Variants in OTUD7A observed in about 807,000 individuals in gnomAD.
OTUD7A encodes the protein OTU deubiquitinase 7A, also known as OTU domain-containing protein 7A.
In OTUD7A, 12 loss-of-function variants were observed where a neutral mutation model predicts 65.7. That is an observed-to-expected ratio of 0.18 (90% CI 0.12 to 0.30). The LOEUF (loss-of-function observed/expected upper bound fraction) is 0.30. Among genes scored for constraint, OTUD7A ranks in the 10% least tolerant of loss-of-function variants. OTUD7A has a pLI of 1.00. For synonymous variants in OTUD7A, 641 were observed against 586.3 expected (o/e 1.09, Z -1.35); for missense variants, 1,148 against 1,304.8 (o/e 0.88, Z 1.85).
At chr15:31,630,536 T>C (rs1891111227) in intron 3 of OTUD7A, among the ~76,000 whole-genome samples, 1 of 152,128 alleles carries the variant, frequency 6.6e-6, no homozygotes, top group South Asian at 2.1e-4. Context: ...TTGGAATAGG[T>C]GTGGTGCTGA....
intron 5 of OTUD7A, among the ~76,000 whole-genome samples, chr15:31,538,088 G>A (rs536203431): frequency 5.9e-5 from 9 of 152,238 alleles, no homozygotes; most frequent in African/African-American, 2.2e-4. Context: ...GACTGCTGTC[G>A]CCTGGCTCAC....
rs75168716 is a variant in OTUD7A at position 31,580,078 on chromosome 15, G to T, written c.152-9881C>A. Among the ~76,000 whole-genome samples, 6 of 152,326 alleles carry T rather than the reference G, an allele frequency of 3.9e-5. No individual in the cohort carries two copies. In the East Asian group the frequency reaches 9.6e-4, roughly 24 times the overall value. ...CATTTTAGTCTGAGATCAAAAAGAAGAGTAAAAGTTGTCTTGGCAAAGAAT... is the reference window on the plus strand; with the variant it reads ...CATTTTAGTCTGAGATCAAAAAGAATAGTAAAAGTTGTCTTGGCAAAGAAT... On this transcript the variant is annotated intron_variant, in intron 3 of 12. Transcript: ENST00000307050.
At chr15:31,623,560 G>A (rs1296805876) in intron 3 of OTUD7A, among the ~76,000 whole-genome samples, 5 of 152,230 alleles carry the variant, frequency 3.3e-5, no homozygotes, top group Admixed American at 2.0e-4. Context: ...GGGACCCTCC[G>A]AGCCAGGCGT....
At chr15:31,831,491 C>T (rs1896929988) in intron 1 of OTUD7A, among the ~76,000 whole-genome samples, 1 of 152,214 alleles carries the variant, frequency 6.6e-6, no homozygotes. Context: ...AAACCCACTA[C>T]TCACCCACGC....
At chr15:31,648,223 G>A (rs58806482) in intron 3 of OTUD7A, among the ~76,000 whole-genome samples, 4,802 of 152,246 alleles carry the variant, frequency 0.032, 247 homozygotes, top group African/African-American at 0.11. Flanking sequence ...AGGAAATCTT[G>A]AGTTCCTTCA....
intron 1 of OTUD7A, among the ~76,000 whole-genome samples, chr15:31,681,140 A>G (rs1293616698): frequency 1.3e-5 from 2 of 150,748 alleles, no homozygotes; most frequent in African/African-American, 2.5e-5. Context: ...TCCTGTCCGT[A>G]TGTATCTATC....
chr15:31,502,332 C>G (rs1454117080), intron 9 of OTUD7A, among the ~76,000 whole-genome samples: 5 of 152,200 alleles, frequency 3.3e-5, no homozygotes, highest in Non-Finnish European at 7.3e-5. Flanking sequence ...CCTTCAGTGA[C>G]AGGGACACAA....
chr15:31,554,352 T>C (rs1214969499), intron 5 of OTUD7A, among the ~76,000 whole-genome samples: 1 of 152,218 alleles, frequency 6.6e-6, no homozygotes, highest in Non-Finnish European at 1.5e-5. Context: ...CAACACAGGC[T>C]GACACTGGGT....
At chr15:31,619,320 T>C (rs1356660665) in intron 3 of OTUD7A, among the ~76,000 whole-genome samples, 1 of 152,216 alleles carries the variant, frequency 6.6e-6, no homozygotes, top group East Asian at 1.9e-4. Context: ...AGAAAGTCAC[T>C]GGTAGCTTGA....
chr15:31,853,306 G>A lies in OTUD7A; in HGVS notation c.-100+17201C>T, dbSNP rs4238557. 5.9e-4 allele frequency among the ~76,000 whole-genome samples: 89 copies of A among 152,086 alleles called. 1 individual carries two copies. The highest frequency in any genetic ancestry group is 2.1e-3 in the African/African-American group (87 of 41,470). On this transcript the variant is annotated intron_variant, in intron 1 of 12. Transcript: ENST00000307050. The stretch of plus-strand genomic sequence containing the variant: ...CAGCAGACAGCAGCTTCTCAGCTTC[G>A]AGCAAACAATCTACTCCTCCACACT...
At chr15:31,651,385 C>T (rs567651306) in intron 3 of OTUD7A, among the ~76,000 whole-genome samples, 46 of 151,888 alleles carry the variant, frequency 3.0e-4, no homozygotes, top group Admixed American at 7.2e-4. Flanking sequence ...TGGTGAAATA[C>T]TGCTTGTTCT....
rs111460412 is a variant in OTUD7A, at chr15:31,711,111, G to A, written c.-99-54034C>T. On this transcript the variant is annotated intron_variant, in intron 1 of 12. Coordinates refer to ENST00000307050, the MANE Select transcript of OTUD7A (RefSeq NM_001382637.1). ...CCCTTTCTATGGTGAATAGCAAATA[G>A]AGTTGAAGTGTTCAACACCTTTGTG... 3.2e-4 allele frequency among the ~76,000 whole-genome samples: 48 copies of A among 149,118 alleles called. No individual in the cohort carries two copies. The South Asian group carries it at 9.5e-3, about 30-fold the overall frequency.
At chr15:31,741,668 A>T (rs1894348707) in intron 1 of OTUD7A, among the ~76,000 whole-genome samples, 1 of 152,142 alleles carries the variant, frequency 6.6e-6, no homozygotes, top group South Asian at 2.1e-4. Flanking sequence ...ACGTAGTAAG[A>T]GACAATAAAA....
At chr15:31,762,024 A>T (rs1291587180) in intron 1 of OTUD7A, among the ~76,000 whole-genome samples, 2 of 152,234 alleles carry the variant, frequency 1.3e-5, no homozygotes, top group East Asian at 3.8e-4. Context: ...GTAATGGGTA[A>T]GAATTTCTTT....
chr15:31,786,029 G>C (rs1221753836), intron 1 of OTUD7A, among the ~76,000 whole-genome samples: 1 of 152,042 alleles, frequency 6.6e-6, no homozygotes, highest in African/African-American at 2.4e-5. Flanking sequence ...GGTTATCATG[G>C]GAGGGGAAAT....
At chr15:31,617,610 G>A (rs567805760) in intron 3 of OTUD7A, among the ~76,000 whole-genome samples, 1 of 152,194 alleles carries the variant, frequency 6.6e-6, no homozygotes, top group African/African-American at 2.4e-5. Flanking sequence ...TGTATACAAA[G>A]CTTAAGCACA....
chr15:31,758,520 G>C (rs980998534), intron 1 of OTUD7A, among the ~76,000 whole-genome samples: 1 of 152,212 alleles, frequency 6.6e-6, no homozygotes, highest in East Asian at 1.9e-4. Flanking sequence ...ATCAGTGCCA[G>C]AACTGTATTC....
chr15:31,611,931 A>G (rs1432732133), intron 3 of OTUD7A, among the ~76,000 whole-genome samples: 2 of 152,206 alleles, frequency 1.3e-5, no homozygotes, highest in East Asian at 1.9e-4. Flanking sequence ...ATCCAACAAC[A>G]TATCAAAAAG....
intron 1 of OTUD7A, among the ~76,000 whole-genome samples, chr15:31,848,512 C>T (rs979906782): frequency 1.3e-5 from 2 of 152,136 alleles, no homozygotes; most frequent in African/African-American, 2.4e-5. Flanking sequence ...GTCAGAAGTC[C>T]ACAAATAGGC....
Sources: allele counts gnomAD v4.1 joint callset (sites outside exome capture counted in the v4.1 genomes callset), GRCh38; gene constraint gnomAD v4.1.1; transcripts MANE v1.5; gene names NCBI Gene and HGNC (gene_info 2026-07-23, HGNC 2026-07-21).